ZMYM4: variants seen among roughly 807,000 people sequenced by gnomAD.
ZMYM4 encodes zinc finger MYM-type protein 4.
In ZMYM4, 31 loss-of-function variants were observed where a neutral mutation model predicts 183.2. The ratio of observed to expected loss-of-function variants is 0.17; its 90% confidence interval spans 0.13 to 0.23. ZMYM4 has a LOEUF of 0.23. Among genes scored for constraint, ZMYM4 ranks in the 10% least tolerant of loss-of-function variants. The pLI is 1.00. For synonymous variants in ZMYM4, 592 were observed against 631.2 expected, an observed-to-expected ratio of 0.94 and a Z score of 0.93; for missense variants, 1,273 against 1,840.3, an observed-to-expected ratio of 0.69 and a Z score of 5.64.
rs2148985171 is a variant in ZMYM4 at position 35,388,968 on chromosome 1, G to A, written c.2322G>A (p.Met774Ile). The part of the protein sequence containing the change: ...LAKRWGNHCK[M>I]CSYCLQTSPK... ...AACGCTGGGGAAATCACTGTAAAATGTGCAGTTATTGTTTACAGACATCTC... is the reference window on the plus strand; with the variant it reads ...AACGCTGGGGAAATCACTGTAAAATATGCAGTTATTGTTTACAGACATCTC... The change falls in exon 14 of 30, where the codon ATG becomes ATA. Residue 774 changes from methionine to isoleucine, a missense_variant. By Grantham distance (10) the Met-to-Ile change is conservative. This residue lies in a region of ZMYM4 where 319 missense variants were observed against 518.1 expected (regional missense o/e 0.62). Coordinates refer to ENST00000314607, the MANE Select transcript of ZMYM4 (RefSeq NM_005095.3). 1.9e-6 allele frequency: 3 copies of A among 1,614,136 alleles called. No homozygotes were observed. The highest frequency in any genetic ancestry group is 1.1e-5 in the South Asian group (1 of 91,082).
intron 1 of ZMYM4, among the ~76,000 whole-genome samples, chr1:35,284,850 A>G (rs1344850886): frequency 2.0e-5 from 3 of 152,208 alleles, no homozygotes; most frequent in African/African-American, 7.2e-5. Context: ...TAATCACATC[A>G]TGAGAGCTCC....
At chr1:35,309,853 A>C (rs1641711599) in intron 1 of ZMYM4, among the ~76,000 whole-genome samples, 1 of 151,712 alleles carries the variant, frequency 6.6e-6, no homozygotes, top group South Asian at 2.1e-4. Context: ...ATTCTATAAC[A>C]GAACTATATT....
At position 35,408,126 on chromosome 1, in the gene ZMYM4, C is replaced by T. The variant is rs775005438; in HGVS notation, c.3915C>T (p.Asp1305=). ...RRPNGEKYDP[D]SILYLCLGIQ... is the part of the protein sequence containing the mutation. ...CAAATGGTGAAAAATATGATCCAGA[C>T]AGTATCTTATACTTGTGCCTTGGAA... The change falls in exon 26 of 30, where the codon GAC becomes GAT. Residue 1305 remains aspartate (D), a synonymous_variant. Transcript: ENST00000314607. 1 of 1,614,204 alleles carries T rather than the reference C, an allele frequency of 6.2e-7. No individual in the cohort carries two copies. The highest frequency in any genetic ancestry group is 8.5e-7 in the Non-Finnish European group (1 of 1,180,038).
intron 1 of ZMYM4, among the ~76,000 whole-genome samples, chr1:35,306,423 T>C (rs1641536495): frequency 6.6e-6 from 1 of 152,226 alleles, no homozygotes; most frequent in Non-Finnish European, 1.5e-5. Flanking sequence ...TGATCCATTG[T>C]TACCAGTATT....
chr1:35,419,557 A>T lies in ZMYM4; in HGVS notation c.4527A>T (p.Thr1509=), dbSNP rs1640253517. The T allele has an allele frequency of 6.2e-7, 1 of 1,614,094 alleles. No homozygotes were observed. Among genetic ancestry groups the T allele is most frequent in the African/African-American group, 1.3e-5 (1 of 74,998 alleles). The change falls in exon 30 of 30, where the codon ACA becomes ACT. Residue 1509 remains threonine, a synonymous_variant. Transcript: ENST00000314607. ...CGAATAGCCCCATGTGGTACTCCAC[A>T]TTCCCGATAGACCCTGGAACCCTGG... is the stretch of plus-strand genomic sequence containing the variant. The part of the protein sequence containing the change: ...CVPNSPMWYS[T]FPIDPGTLDT...
At chr1:35,269,332 C>A (rs868810799) in intron 1 of ZMYM4, among the ~76,000 whole-genome samples, 7 of 152,028 alleles carry the variant, frequency 4.6e-5, no homozygotes, top group Admixed American at 4.6e-4. Flanking sequence ...CCCGACGTTC[C>A]CCAGCACTGG....
Position 35,413,954 on chromosome 1 carries a change from CTT to C in ZMYM4, c.3949-9_3949-8del, listed in dbSNP as rs142314196. On this transcript the variant is annotated splice_polypyrimidine_tract_variant and intron_variant, in intron 26 of 29. Coordinates refer to ENST00000314607, the MANE Select transcript of ZMYM4 (RefSeq NM_005095.3). Reference sequence around the variant, plus strand: ...TTCTTTTTATCAACATGTATATTTTCTTTTTTTTTTCTTGTAGTACCTGTTTG... The same window carrying C: ...TTCTTTTTATCAACATGTATATTTTCTTTTTTTTCTTGTAGTACCTGTTTG... The C allele has an allele frequency of 1.0e-5, 12 of 1,198,968 alleles. No homozygotes were observed. The highest frequency in any genetic ancestry group is 1.3e-5 in the Non-Finnish European group (11 of 862,578). 74.3% of individuals were successfully genotyped at this position (1,198,968 alleles called of 1,614,324 possible).
rs1643317540 is a variant in ZMYM4, at chr1:35,344,429, GA to G, written c.86-14493del. On this transcript the variant is annotated intron_variant, in intron 2 of 29. Coordinates refer to ENST00000314607, the MANE Select transcript of ZMYM4 (RefSeq NM_005095.3). ...TTAACTGTTTTTTTCAACTTAGGGG[GA>G]AAGTATTCAGTCTTAAACTGTTAAG... Among the ~76,000 whole-genome samples, 7 of 152,140 alleles carry G rather than the reference GA, an allele frequency of 4.6e-5. No homozygotes were observed. The South Asian group carries it at 1.5e-3, about 32-fold the overall frequency.
chr1:35,287,746 C>T (rs1640575189), intron 1 of ZMYM4, among the ~76,000 whole-genome samples: 1 of 151,988 alleles, frequency 6.6e-6, no homozygotes, highest in African/African-American at 2.4e-5. Flanking sequence ...GCTGGGATTA[C>T]AGGCATGCGC....
intron 1 of ZMYM4, among the ~76,000 whole-genome samples, chr1:35,298,828 A>T (rs932546878): frequency 6.6e-6 from 1 of 152,112 alleles, no homozygotes; most frequent in African/African-American, 2.4e-5. Context: ...GTGGGTTTGG[A>T]GTTGAGAGGC....
In ZMYM4 at chr1:35,405,402, T is replaced by A; in HGVS notation, c.3730T>A (p.Ser1244Thr). The A allele has an allele frequency of 1.2e-6, 2 of 1,613,646 alleles. No individual in the cohort carries two copies. Among genetic ancestry groups the A allele is most frequent in the African/African-American group, 1.3e-5 (1 of 75,000 alleles). Reference protein sequence around the residue: ...GVEQASSSPRSDPLGSTQDHA... With the variant: ...GVEQASSSPRTDPLGSTQDHA... Reference sequence around the variant, plus strand: ...TGAACAGGCCTCATCTAGCCCACGTTCTGACCCCTTAGGAAGTACTCAAGA... The same window carrying A: ...TGAACAGGCCTCATCTAGCCCACGTACTGACCCCTTAGGAAGTACTCAAGA... The change falls in exon 25 of 30, where the codon TCT (serine) becomes ACT (threonine). Residue 1244 changes from serine to threonine, a missense_variant. By Grantham distance (58) the Ser-to-Thr change is moderately conservative (BLOSUM62 1). Around this residue, in one of 6 missense-constraint regions of ZMYM4, gnomAD observed 133 missense variants for 155.7 expected, o/e 0.85. Coordinates refer to ENST00000314607, the MANE Select transcript of ZMYM4 (RefSeq NM_005095.3).
intron 1 of ZMYM4, among the ~76,000 whole-genome samples, chr1:35,299,035 T>G (rs75974424): frequency 6.6e-6 from 1 of 151,850 alleles, no homozygotes; most frequent in Non-Finnish European, 1.5e-5. Flanking sequence ...TTGAAAGTTT[T>G]TTTTTTTTTT....
chr1:35,405,463 G>A lies in ZMYM4; in HGVS notation c.3791G>A (p.Cys1264Tyr), dbSNP rs758553607. ...ALSQESSEPG[C>Y]RVRSIKLKED... Reference sequence around the variant, plus strand: ...TCTCAAGAATCCTCAGAGCCAGGCTGTAGAGGTAAAATTTGTTTCTCTCCA... The same window carrying A: ...TCTCAAGAATCCTCAGAGCCAGGCTATAGAGGTAAAATTTGTTTCTCTCCA... Residue 1264 changes from cysteine (C) to tyrosine (Y), a missense_variant, in exon 25 of 30, where the codon TGT (cysteine) becomes TAT (tyrosine). Physicochemically the swap from Cys to Tyr is radical, Grantham distance 194 (BLOSUM62 -2). Transcript: ENST00000314607. 5 of 1,598,058 alleles carry A rather than the reference G, an allele frequency of 3.1e-6. No homozygotes were observed. Among genetic ancestry groups the A allele is most frequent in the South Asian group, 2.3e-5 (2 of 86,580 alleles).
At chr1:35,315,366 G>A (rs186115708) in intron 1 of ZMYM4, among the ~76,000 whole-genome samples, 4 of 151,938 alleles carry the variant, frequency 2.6e-5, no homozygotes, top group African/African-American at 9.6e-5. Context: ...TTGCTTCTAC[G>A]TAGAACTTTG....
rs1359136094 is a variant in ZMYM4 at position 35,421,878 on chromosome 1, T to G, written c.*2201T>G. On this transcript the variant is annotated 3_prime_UTR_variant, in exon 30 of 30. Coordinates refer to ENST00000314607, the MANE Select transcript of ZMYM4 (RefSeq NM_005095.3). ...GTTCTTTTTCAGTTTTTAACCACTT[T>G]TAGGTTTTCCCCTTACAGAAACCAC... The G allele has an allele frequency of 6.6e-6, 1 of 152,198 alleles. No individual in the cohort carries two copies. Among genetic ancestry groups the G allele is most frequent in the Non-Finnish European group, 1.5e-5 (1 of 68,026 alleles). 9.4% of individuals were successfully genotyped at this position (152,198 alleles called of 1,614,324 possible). A position where few individuals can be genotyped will look rare whatever the true frequency, so the allele number is the denominator to read the frequency against.
At chr1:35,315,030 C>CA (rs1460226792) in intron 1 of ZMYM4, among the ~76,000 whole-genome samples, 3 of 145,220 alleles carry the variant, frequency 2.1e-5, no homozygotes, top group African/African-American at 7.6e-5. Flanking sequence ...CTCAAAAAAA[C>CA]AAAAAAACAA....
chr1:35,362,513 C>T (rs539073620), intron 5 of ZMYM4, among the ~76,000 whole-genome samples: 2 of 152,228 alleles, frequency 1.3e-5, no homozygotes, highest in African/African-American at 4.8e-5. Flanking sequence ...GTCCAAGGGA[C>T]GAATATGCAA....
rs1644749637 is a variant in ZMYM4 at position 35,393,597 on chromosome 1, A to T, written c.2769A>T (p.Ala923=). Residue 923 remains alanine, a splice_region_variant and synonymous_variant, in exon 18 of 30, where the codon GCA becomes GCT. Transcript: ENST00000314607. ...PTVTAKIIGD[A]STQTDALKLP... is the part of the protein sequence containing the mutation. ...TTTCTAATTTGTTTTTTTACTAGGC[A>T]AGTACTCAAACAGATGCCCTGAAAC... is the stretch of plus-strand genomic sequence containing the variant. 2 of 1,592,178 alleles carry T rather than the reference A, an allele frequency of 1.3e-6. No individual in the cohort carries two copies. Among genetic ancestry groups the T allele is most frequent in the Non-Finnish European group, 1.7e-6 (2 of 1,170,504 alleles).
chr1:35,269,652 G>T (rs1356386320), intron 1 of ZMYM4, among the ~76,000 whole-genome samples: 1 of 152,118 alleles, frequency 6.6e-6, no homozygotes, highest in Non-Finnish European at 1.5e-5. Context: ...AAAGATTTTG[G>T]CTACTATGAA....
Sources: gnomAD v4.1 joint callset for allele counts (sites outside exome capture counted in the v4.1 genomes callset) on GRCh38, gnomAD v4.1.1 for gene constraint, gnomAD v4.1.1 regional missense constraint, MANE v1.5 for transcripts, NCBI Gene and HGNC (gene_info 2026-07-23, HGNC 2026-07-21) for gene names.